TULP2: variants seen among roughly 807,000 people sequenced by gnomAD.
The protein encoded by TULP2 is tubby-related protein 2.
In TULP2, 64 loss-of-function variants were observed where a neutral mutation model predicts 60.3. The ratio of observed to expected loss-of-function variants is 1.06; its 90% CI spans 0.87 to 1.31. TULP2 has a LOEUF of 1.31. Among genes scored for constraint, TULP2 ranks in the 50% most tolerant of loss-of-function variants. TULP2 has a pLI of 0.00. For missense variants in TULP2, 652 were observed against 667.0 expected (o/e 0.98, Z 0.25); for synonymous variants, 267 against 265.4 (o/e 1.01, Z -0.06).
chr19:48,887,889 GT>G, intron 8 of TULP2, 60 bp downstream of exon 8: 1 of 1,548,474 alleles, frequency 6.5e-7, no homozygotes, highest in East Asian at 2.3e-5. Flanking sequence ...TCAGAAAGGA[GT>G]GGGATTTTGC....
chr19:48,883,262 G>C (rs2037151442), intron 11 of TULP2, among the ~76,000 whole-genome samples: 1 of 151,356 alleles, frequency 6.6e-6, no homozygotes, highest in African/African-American at 2.4e-5. Context: ...AAAAGAAGCA[G>C]GAACCCTCAG....
chr19:48,885,749 G>A (rs1219615890), intron 8 of TULP2, among the ~76,000 whole-genome samples, 189 bp from the exon 9 acceptor site: 1 of 151,896 alleles, frequency 6.6e-6, no homozygotes, highest in African/African-American at 2.4e-5. Flanking sequence ...GCCAGGCGTG[G>A]TAGTGCGTGC....
chr19:48,890,684 T>C (rs1285146964), intron 6 of TULP2, among the ~76,000 whole-genome samples: 3 of 152,100 alleles, frequency 2.0e-5, no homozygotes, highest in African/African-American at 7.2e-5. Context: ...TAGCCAGAGA[T>C]GGCCAGAACT....
intron 4 of TULP2, 29 bp downstream of exon 4, chr19:48,896,401 G>C (rs768559796): frequency 1.5e-5 from 23 of 1,571,984 alleles, no homozygotes; most frequent in Non-Finnish European, 1.9e-5. Flanking sequence ...CTCCCCTCCA[G>C]GCGAACGCCC....
chr19:48,885,269 A>T (rs961541419), intron 9 of TULP2, among the ~76,000 whole-genome samples, 179 bp downstream of exon 9: 2 of 152,144 alleles, frequency 1.3e-5, no homozygotes, highest in African/African-American at 2.4e-5. Flanking sequence ...TAGGAATCCC[A>T]GTCCCTTGCC....
chr19:48,892,976 C>T (rs1157215452), intron 6 of TULP2, among the ~76,000 whole-genome samples: 4 of 151,934 alleles, frequency 2.6e-5, no homozygotes, highest in Admixed American at 6.6e-5. Flanking sequence ...CACACGGTGG[C>T]TCACACCCGT....
chr19:48,892,305 T>G (rs1328798183), intron 6 of TULP2, among the ~76,000 whole-genome samples: 1 of 152,200 alleles, frequency 6.6e-6, no homozygotes, highest in African/African-American at 2.4e-5. Flanking sequence ...CCACAGTGTG[T>G]TATGTTTCTG....
chr19:48,898,553 T>A (rs2122149043), intron 1 of TULP2, 37 bp downstream of exon 1: 1 of 151,900 alleles, frequency 6.6e-6, no homozygotes, highest in East Asian at 1.9e-4. Flanking sequence ...CATTGATGCC[T>A]CGGTACCTTG....
intron 11 of TULP2, 62 bp downstream of exon 11, chr19:48,883,692 T>C: frequency 6.4e-7 from 1 of 1,567,746 alleles, no homozygotes. Flanking sequence ...CTCTGGGATC[T>C]AGGAGGACCG....
chr19:48,893,553 C>G (rs2122138181), intron 6 of TULP2, among the ~76,000 whole-genome samples: 1 of 151,994 alleles, frequency 6.6e-6, no homozygotes, highest in South Asian at 2.1e-4. Context: ...CTATTTCTTT[C>G]TTTCTTTTTT....
chr19:48,890,008 C>T (rs1413107449), intron 6 of TULP2, among the ~76,000 whole-genome samples: 1 of 152,172 alleles, frequency 6.6e-6, no homozygotes, highest in Non-Finnish European at 1.5e-5. Flanking sequence ...TGAAATATGG[C>T]CTCGTGGGAA....
intron 9 of TULP2, among the ~76,000 whole-genome samples, chr19:48,885,100 C>T (rs1431064831): frequency 1.3e-5 from 2 of 151,728 alleles, no homozygotes; most frequent in Admixed American, 6.6e-5. Flanking sequence ...GGGGTTTCAC[C>T]ATGTTGGCCA....
intron 4 of TULP2, among the ~76,000 whole-genome samples, chr19:48,895,856 G>T (rs969311897): frequency 3.3e-5 from 5 of 152,054 alleles, no homozygotes; most frequent in African/African-American, 1.2e-4. Context: ...TCCAGCTTTG[G>T]CAACAAGAGC....
intron 6 of TULP2, among the ~76,000 whole-genome samples, chr19:48,893,844 G>A (rs550113507): frequency 7.9e-5 from 12 of 152,014 alleles, no homozygotes; most frequent in Admixed American, 1.3e-4. Context: ...GTGAGCCACC[G>A]CGCCCAGCCA....
chr19:48,897,469 C>A lies in TULP2; in HGVS notation c.33-73G>T. 5 of 1,500,412 alleles carry A rather than the reference C, an allele frequency of 3.3e-6. No individual in the cohort carries two copies. Among genetic ancestry groups the A allele is most frequent in the Non-Finnish European group, 3.7e-6 (4 of 1,089,218 alleles). The allele number at this position is 1,500,412 out of a possible 1,614,324, so 92.9% of individuals were successfully genotyped here. ...TGCCCAAGAGAGTCCCTCCTTCCCC[C>A]ATCCTGCCCCTATCTCAGCTTGGGT... On this transcript the variant is annotated intron_variant, in intron 2 of 12. Transcript: ENST00000221399. This position sits in a 1 kb window ranked among gnomAD's most constrained non-coding sequence, Gnocchi z 4.0.
chr19:48,896,359 A>C, intron 4 of TULP2, 71 bp downstream of exon 4: 1 of 1,495,434 alleles, frequency 6.7e-7, no homozygotes, highest in East Asian at 2.4e-5. Flanking sequence ...CCCTTCATCC[A>C]CTAGGCCCCG....
In TULP2 at chr19:48,896,465, G is replaced by A. The variant is rs2037282586; in HGVS notation, c.176C>T (p.Ser59Phe). 2 of 1,611,092 alleles carry A rather than the reference G, an allele frequency of 1.2e-6. No homozygotes were observed. The highest frequency in any genetic ancestry group is 1.7e-6 in the Non-Finnish European group (2 of 1,178,978). Residue 59 changes from serine (S) to phenylalanine (F), a missense_variant, in exon 4 of 13, where the codon TCT (serine) becomes TTT (phenylalanine). Transcript: ENST00000221399. ...TAAAAGGCGCTCCTCCCGCAGACAA[G>A]AGCGCCAAAGCCACGGGGAAGCGTC... is the stretch of plus-strand genomic sequence containing the variant. ...NPDASPWLWR[S>F]CLREERLLGD...
intron 8 of TULP2, 47 bp from the exon 9 acceptor site, chr19:48,885,607 G>A: frequency 6.4e-7 from 1 of 1,568,934 alleles, no homozygotes; most frequent in Non-Finnish European, 8.8e-7. Context: ...CTGGATGCTG[G>A]GTGTGGTGGC....
chr19:48,887,338 T>TTTTTTTTTTTTTA (rs1285265988), intron 8 of TULP2, among the ~76,000 whole-genome samples: 2 of 95,254 alleles, frequency 2.1e-5, no homozygotes, highest in Non-Finnish European at 4.1e-5. Context: ...TTTTTTTTTT[T>TTTTTTTTTTTTTA]TTTTTATGCA....
Sources: gnomAD v4.1 joint callset for allele counts (sites outside exome capture counted in the v4.1 genomes callset) on GRCh38, gnomAD v4.1.1 for gene constraint, Gnocchi (gnomAD v3.1) non-coding constraint, MANE v1.5 for transcripts, NCBI Gene and HGNC (gene_info 2026-07-23, HGNC 2026-07-21) for gene names.